Variants in GSE1 observed in about 807,000 individuals in gnomAD.
GSE1 encodes genetic suppressor element 1.
GSE1 carries 32 observed loss-of-function variants against 112.6 expected under a neutral mutation model. That is an observed-to-expected ratio of 0.28 (90% CI 0.21 to 0.38). The LOEUF is 0.38. Among genes scored for constraint, GSE1 ranks in the 10% least tolerant of loss-of-function variants. GSE1 has a pLI of 1.00. For missense variants in GSE1, 2,348 were observed against 1,699.2 expected (o/e 1.38, Z -6.71); for synonymous variants, 1,115 against 735.6 (o/e 1.52, Z -8.35).
At chr16:85,369,522 G>C (rs149436740) in intron 2 of GSE1, among the ~76,000 whole-genome samples, 1 of 152,024 alleles carries the variant, frequency 6.6e-6, no homozygotes, top group African/African-American at 2.4e-5. Flanking sequence ...GCCCCCACTT[G>C]CTCCTGTTCT....
chr16:85,222,653 A>C (rs944655491), intron 1 of GSE1, among the ~76,000 whole-genome samples: 1 of 152,194 alleles, frequency 6.6e-6, no homozygotes, highest in Middle Eastern at 3.2e-3. Context: ...TGCCTCCTCC[A>C]ACACAAATGA....
intron 1 of GSE1, among the ~76,000 whole-genome samples, chr16:85,284,230 C>T (rs928943735): frequency 3.9e-5 from 6 of 152,212 alleles, no homozygotes; most frequent in Admixed American, 2.6e-4. Flanking sequence ...CGCTGTAGGG[C>T]GACTCTTGGC....
chr16:85,313,798 C>T (rs1484391731), intron 1 of GSE1, among the ~76,000 whole-genome samples: 1 of 152,240 alleles, frequency 6.6e-6, no homozygotes, highest in African/African-American at 2.4e-5. Context: ...CTGGCAATGT[C>T]CACCCTGGGC....
upstream of GSE1, among the ~76,000 whole-genome samples, chr16:85,612,134 A>G (rs913649541): frequency 2.0e-5 from 3 of 151,722 alleles, no homozygotes; most frequent in East Asian, 2.0e-4. Flanking sequence ...CGGGGGGGTT[A>G]CAGCCCAGGG....
intron 1 of GSE1, among the ~76,000 whole-genome samples, chr16:85,254,830 A>G: frequency 6.6e-6 from 1 of 152,208 alleles, no homozygotes; most frequent in East Asian, 1.9e-4. Context: ...AAACCAAGAC[A>G]TGCTATGCCC....
At chr16:85,607,548 C>T (rs577413862), upstream of GSE1, among the ~76,000 whole-genome samples, 188 of 152,276 alleles carry the variant, frequency 1.2e-3, no homozygotes, top group African/African-American at 4.2e-3. Flanking sequence ...TGGGGCAGCC[C>T]GGGGTTAAGA....
intron 2 of GSE1, among the ~76,000 whole-genome samples, chr16:85,422,309 C>G (rs941102646): frequency 2.0e-5 from 3 of 152,154 alleles, no homozygotes; most frequent in African/African-American, 7.2e-5. Flanking sequence ...CCTCCCCGCA[C>G]AGGCGAGGCT....
upstream of GSE1, chr16:85,555,830 CTT>C (rs2045181235): frequency 9.3e-6 from 8 of 860,058 alleles, no homozygotes; most frequent in Non-Finnish European, 1.1e-5. Flanking sequence ...CCCCCTCTCT[CTT>C]TTCCTTTCAA....
intron 1 of GSE1, among the ~76,000 whole-genome samples, chr16:85,326,048 A>G (rs1287519513): frequency 6.6e-6 from 1 of 152,160 alleles, no homozygotes; most frequent in Non-Finnish European, 1.5e-5. Flanking sequence ...CCCCCAGCTC[A>G]GTCAATTTTA....
intron 1 of GSE1, among the ~76,000 whole-genome samples, chr16:85,583,138 C>T (rs994459631): frequency 2.3e-4 from 35 of 152,078 alleles, no homozygotes; most frequent in Admixed American, 3.9e-4. Flanking sequence ...TTCTGGGGGA[C>T]GGTAGGAAAC....
At chr16:85,654,708 G>A (rs2051755509) in intron 4 of GSE1, 86 bp from the exon 5 acceptor site, 1 of 862,786 alleles carries the variant, frequency 1.2e-6, no homozygotes, top group Non-Finnish European at 1.9e-6. Flanking sequence ...AGCGCCAGGG[G>A]TGATGCAGGG....
chr16:85,619,593 C>T (rs755726705), intron 1 of GSE1, among the ~76,000 whole-genome samples: 21 of 152,262 alleles, frequency 1.4e-4, no homozygotes, highest in Admixed American at 5.2e-4. Flanking sequence ...GATGGTGTGC[C>T]GGCCAGGTCT....
chr16:85,274,725 G>A (rs1250093415), intron 1 of GSE1, among the ~76,000 whole-genome samples: 1 of 152,244 alleles, frequency 6.6e-6, no homozygotes, highest in Non-Finnish European at 1.5e-5. Flanking sequence ...AACCCAGAGC[G>A]CTGGTCCAGG....
chr16:85,321,054 A>T (rs151038576), intron 1 of GSE1, among the ~76,000 whole-genome samples: 206 of 152,164 alleles, frequency 1.4e-3, no homozygotes, highest in African/African-American at 4.8e-3. Flanking sequence ...AGGTCGCCTT[A>T]GTTTCCTGTG....
chr16:85,584,711 A>C (rs2046607952), intron 1 of GSE1, among the ~76,000 whole-genome samples: 1 of 152,146 alleles, frequency 6.6e-6, no homozygotes, highest in Admixed American at 6.5e-5. Flanking sequence ...TAAAACCATC[A>C]TTGGGCTGAA....
chr16:85,188,670 C>G (rs1246270993), intron 1 of GSE1, among the ~76,000 whole-genome samples: 2 of 151,878 alleles, frequency 1.3e-5, no homozygotes, highest in African/African-American at 2.4e-5. Context: ...GACGTGGTGG[C>G]ATGCCCTATA....
chr16:85,329,937 G>A (rs1161764472), intron 1 of GSE1, among the ~76,000 whole-genome samples: 2 of 150,894 alleles, frequency 1.3e-5, no homozygotes, highest in Non-Finnish European at 3.0e-5. Flanking sequence ...GAGGCTGGTG[G>A]GGGGGCAGGG....
chr16:85,629,545 C>T (rs1157964035), intron 1 of GSE1, among the ~76,000 whole-genome samples: 1 of 152,252 alleles, frequency 6.6e-6, no homozygotes, highest in African/African-American at 2.4e-5. Context: ...GCTGGCTTGT[C>T]ACATGGGCAC....
At chr16:85,246,259 ACACACACACACACACC>A (rs1567635861) in intron 1 of GSE1, among the ~76,000 whole-genome samples, 36 of 132,192 alleles carry the variant, frequency 2.7e-4, no homozygotes, top group African/African-American at 9.2e-4. Context: ...CGCTGTCTAC[ACACACACACACACACC>A]CCACACGCTG....
Sources: gnomAD v4.1 joint callset for allele counts (sites outside exome capture counted in the v4.1 genomes callset) on GRCh38, gnomAD v4.1.1 for gene constraint, MANE v1.5 for transcripts, NCBI Gene and HGNC (gene_info 2026-07-23, HGNC 2026-07-21) for gene names.